GAB1: variants seen among roughly 807,000 people sequenced by gnomAD.
GAB1 encodes GRB2-associated-binding protein 1.
GAB1 carries 19 observed loss-of-function variants against 66.5 expected under a neutral mutation model. The ratio of observed to expected loss-of-function variants is 0.29; its 90% CI spans 0.20 to 0.42. The LOEUF is 0.42. GAB1 is among the 10% of genes least tolerant of loss of function. GAB1 has a pLI of 1.00. For missense variants in GAB1, 732 were observed against 858.5 expected (o/e 0.85, Z 1.84); for synonymous variants, 294 against 301.4 (o/e 0.98, Z 0.25).
intron 6 of GAB1, among the ~76,000 whole-genome samples, chr4:143,449,915 C>T (rs1421657638): frequency 5.3e-5 from 8 of 151,850 alleles, no homozygotes; most frequent in Admixed American, 5.3e-4. Context: ...GCATGAACCA[C>T]TTTGCACCTT....
chr4:143,364,521 A>G (rs745895155), intron 1 of GAB1, among the ~76,000 whole-genome samples: 1 of 152,206 alleles, frequency 6.6e-6, no homozygotes, highest in African/African-American at 2.4e-5. Context: ...ACATAAAATT[A>G]TGGGGAAAAC....
rs951418858 is a variant in GAB1, at chr4:143,472,884, A to T, written c.*3695A>T. The T allele has an allele frequency of 2.0e-5, 3 of 152,216 alleles. No homozygotes were observed. Among genetic ancestry groups the T allele is most frequent in the African/African-American group, 7.2e-5 (3 of 41,462 alleles). The allele number at this position is 152,216 out of a possible 1,614,324, so 9.4% of individuals were successfully genotyped here. ...TGCACATTTATATATATATAATTTT[A>T]AAAACTGAACTATGAGAAGCCATGG... On this transcript the variant is annotated 3_prime_UTR_variant, in exon 10 of 10. Coordinates refer to ENST00000262994, the MANE Select transcript of GAB1 (RefSeq NM_002039.4).
At chr4:143,352,277 C>T (rs1729258995) in intron 1 of GAB1, among the ~76,000 whole-genome samples, 1 of 152,218 alleles carries the variant, frequency 6.6e-6, no homozygotes, top group African/African-American at 2.4e-5. Context: ...ATCAAGTCCT[C>T]TTGCAGGTCT....
At chr4:143,421,659 G>GT (rs1212614788) in intron 2 of GAB1, among the ~76,000 whole-genome samples, 1 of 137,758 alleles carries the variant, frequency 7.3e-6, no homozygotes, top group Non-Finnish European at 1.6e-5. Context: ...AGAGTTTTTA[G>GT]GTTTTTTTTC....
chr4:143,434,253 C>A, intron 3 of GAB1: 2 of 505,090 alleles, frequency 4.0e-6, no homozygotes, highest in Admixed American at 3.4e-5. Context: ...ATGGAATATA[C>A]AAATTGGATG....
intron 1 of GAB1, among the ~76,000 whole-genome samples, chr4:143,393,712 A>G (rs1385885634): frequency 6.6e-6 from 1 of 152,142 alleles, no homozygotes; most frequent in Non-Finnish European, 1.5e-5. Context: ...TCAAGAGTGG[A>G]GGGTCATTTT....
intron 2 of GAB1, among the ~76,000 whole-genome samples, chr4:143,430,151 G>C (rs1013814755): frequency 3.3e-5 from 5 of 152,122 alleles, no homozygotes; most frequent in Admixed American, 6.5e-5. Flanking sequence ...ACCTACATTT[G>C]AAAGCACCTG....
intron 8 of GAB1, among the ~76,000 whole-genome samples, chr4:143,464,383 C>T (rs1452194873): frequency 6.6e-6 from 1 of 152,066 alleles, no homozygotes; most frequent in Non-Finnish European, 1.5e-5. Flanking sequence ...TGCCCACCAC[C>T]ACACCTGGCT....
At chr4:143,408,537 G>T (rs1228555419) in intron 1 of GAB1, among the ~76,000 whole-genome samples, 1 of 151,408 alleles carries the variant, frequency 6.6e-6, no homozygotes, top group Non-Finnish European at 1.5e-5. Context: ...TCCGCACCTT[G>T]TTTTTTTTAC....
chr4:143,449,035 A>T (rs1331451919), intron 6 of GAB1, among the ~76,000 whole-genome samples: 1 of 151,586 alleles, frequency 6.6e-6, no homozygotes, highest in Non-Finnish European at 1.5e-5. Flanking sequence ...TTCTGCCTTC[A>T]TTTCGTTATG....
At chr4:143,401,040 T>G (rs1211846786) in intron 1 of GAB1, among the ~76,000 whole-genome samples, 1 of 152,208 alleles carries the variant, frequency 6.6e-6, no homozygotes, top group African/African-American at 2.4e-5. Context: ...AACGGTGTTT[T>G]TGTTTTTATT....
intron 1 of GAB1, among the ~76,000 whole-genome samples, chr4:143,409,698 A>G (rs1043087688): frequency 2.0e-5 from 3 of 152,024 alleles, no homozygotes; most frequent in African/African-American, 7.2e-5. Context: ...AGGAAAGGGG[A>G]AGGTTGGGAA....
chr4:143,413,591 G>A (rs911319477), intron 1 of GAB1, among the ~76,000 whole-genome samples: 2 of 151,750 alleles, frequency 1.3e-5, no homozygotes, highest in Non-Finnish European at 1.5e-5. Flanking sequence ...TTCTGTAGAG[G>A]AATGCTTGTT....
At chr4:143,389,144 C>G (rs1731059707) in intron 1 of GAB1, among the ~76,000 whole-genome samples, 1 of 152,232 alleles carries the variant, frequency 6.6e-6, no homozygotes. Flanking sequence ...AGTTGGTAAT[C>G]AAATGTAAGA....
chr4:143,344,584 T>C (rs1470854606), intron 1 of GAB1, among the ~76,000 whole-genome samples: 1 of 152,206 alleles, frequency 6.6e-6, no homozygotes, highest in Non-Finnish European at 1.5e-5. Flanking sequence ...CCCATTGTAC[T>C]GTGGATTTCC....
At chr4:143,412,521 A>G (rs1000808023) in intron 1 of GAB1, among the ~76,000 whole-genome samples, 2 of 152,230 alleles carry the variant, frequency 1.3e-5, no homozygotes, top group African/African-American at 4.8e-5. Flanking sequence ...CGTGGTCACT[A>G]TCTTCTTGAA....
At chr4:143,401,353 A>T (rs1488285848) in intron 1 of GAB1, among the ~76,000 whole-genome samples, 1 of 152,230 alleles carries the variant, frequency 6.6e-6, no homozygotes, top group Non-Finnish European at 1.5e-5. Flanking sequence ...AAACAAGGTG[A>T]TAACATTTCT....
chr4:143,450,975 C>T (rs1228093778), intron 6 of GAB1, among the ~76,000 whole-genome samples: 7 of 151,968 alleles, frequency 4.6e-5, no homozygotes, highest in African/African-American at 1.7e-4. Flanking sequence ...AACATTCATA[C>T]AACACAGATT....
intron 2 of GAB1, among the ~76,000 whole-genome samples, chr4:143,421,698 C>CTTTTTTTTTTTTTTTTTTTT (rs70953733): frequency 1.7e-5 from 2 of 118,692 alleles, no homozygotes; most frequent in Non-Finnish European, 1.8e-5. Flanking sequence ...CTTTTCTTTT[C>CTTTTTTTTTTTTTTTTTTTT]TTTTTTTTTT....
Sources: gnomAD v4.1 joint callset for allele counts (sites outside exome capture counted in the v4.1 genomes callset) on GRCh38, gnomAD v4.1.1 for gene constraint, MANE v1.5 for transcripts, NCBI Gene and HGNC (gene_info 2026-07-23, HGNC 2026-07-21) for gene names.